The following COLEC11 variants were observed in gnomAD, a reference collection of about 807,000 sequenced individuals.
COLEC11 encodes the protein collectin-11.
Under a neutral mutation model 27.3 loss-of-function variants are expected in COLEC11, and 20 were observed. That is an observed-to-expected ratio of 0.73 (90% CI 0.51 to 1.06). The LOEUF is 1.06. Ranked by LOEUF, COLEC11 falls within the 50% of genes least tolerant of loss-of-function variation. The probability of loss-of-function intolerance (pLI) is 0.00; values close to 1 mark genes in which losing one functional copy is unlikely to be tolerated. For synonymous variants in COLEC11, 163 were observed against 154.7 expected (o/e 1.05, Z -0.40); for missense variants, 310 against 383.0 (o/e 0.81, Z 1.59).
intron 3 of COLEC11, among the ~76,000 whole-genome samples, chr2:3,620,467 A>ATT (rs533195108): frequency 6.9e-6 from 1 of 145,206 alleles, no homozygotes; most frequent in Non-Finnish European, 1.5e-5. Flanking sequence ...AGGTTCGTCA[A>ATT]TTTTTTTTTT....
At chr2:3,627,957 GCCCTGCTGTTGCCCAGCC>G (rs1664683222) in intron 3 of COLEC11, among the ~76,000 whole-genome samples, 1 of 152,178 alleles carries the variant, frequency 6.6e-6, no homozygotes, top group South Asian at 2.1e-4. Context: ...TCCCATGCCA[GCCCTGCTGTTGCCCAGCC>G]TGTGGCCACT....
intron 3 of COLEC11, chr2:3,617,867 T>C (rs1663892387): frequency 1.8e-6 from 1 of 568,116 alleles, no homozygotes; most frequent in Non-Finnish European, 3.2e-6. Context: ...CTCTTTTGAC[T>C]TTTTGATACC....
chr2:3,605,219 C>T, intron 2 of COLEC11: 2 of 418,976 alleles, frequency 4.8e-6, no homozygotes, highest in Admixed American at 5.7e-5. Context: ...AGAGTGTGTG[C>T]CAGTGTCGGG....
intron 3 of COLEC11, among the ~76,000 whole-genome samples, chr2:3,628,275 G>T (rs1397032648): frequency 6.6e-6 from 1 of 152,272 alleles, no homozygotes; most frequent in African/African-American, 2.4e-5. Context: ...GGGTTCTAGA[G>T]AGCTGGTCTG....
At chr2:3,611,982 T>A (rs980187934) in intron 2 of COLEC11, among the ~76,000 whole-genome samples, 1 of 148,400 alleles carries the variant, frequency 6.7e-6, no homozygotes, top group Non-Finnish European at 1.5e-5. Flanking sequence ...CTCTATATGC[T>A]CTCTCTATAT....
At chr2:3,635,361 T>C (rs1665326762) in intron 3 of COLEC11, among the ~76,000 whole-genome samples, 1 of 151,994 alleles carries the variant, frequency 6.6e-6, no homozygotes, top group Admixed American at 6.6e-5. Context: ...CCCAGCCTGC[T>C]CTGCCCTTGG....
chr2:3,596,113 T>G (rs1230397731), intron 1 of COLEC11, among the ~76,000 whole-genome samples: 1 of 152,138 alleles, frequency 6.6e-6, no homozygotes, highest in East Asian at 1.9e-4. Flanking sequence ...GTGGGTGGAA[T>G]CCAGGCTGCC....
intron 3 of COLEC11, among the ~76,000 whole-genome samples, chr2:3,615,427 C>T (rs1402701085): frequency 6.6e-6 from 1 of 152,198 alleles, no homozygotes; most frequent in Non-Finnish European, 1.5e-5. Context: ...GTGGACACAG[C>T]ACATGTTTCA....
At chr2:3,643,354 A>G in intron 5 of COLEC11, 90 bp from the exon 6 acceptor site, 2 of 1,098,090 alleles carry the variant, frequency 1.8e-6, no homozygotes, top group Non-Finnish European at 2.8e-6. Context: ...TTGTTGAGTA[A>G]AATGTGCATT....
rs1410949120 is a variant in COLEC11 at position 3,604,186 on chromosome 2, G to T, written c.-26-129G>T. ...GTGCTTGAGTGAGTGAGGAGCACCC[G>T]CCATGGGGGCCCAGACAGCCCTTCC... On this transcript the variant is annotated intron_variant, in intron 1 of 6. Coordinates refer to ENST00000349077, the MANE Select transcript of COLEC11 (RefSeq NM_024027.5). 6.1e-6 allele frequency: 6 copies of T among 982,992 alleles called. No homozygotes were observed. In the East Asian group the frequency reaches 9.6e-5, roughly 16 times the overall value. The allele number at this position is 982,992 out of a possible 1,614,324, so 60.9% of individuals were successfully genotyped here. A position where few individuals can be genotyped will look rare whatever the true frequency, so the allele number is the denominator to read the frequency against.
intron 3 of COLEC11, among the ~76,000 whole-genome samples, chr2:3,620,253 A>C (rs1315349638): frequency 6.6e-6 from 1 of 151,882 alleles, no homozygotes; most frequent in African/African-American, 2.4e-5. Context: ...ATCTGTTCAA[A>C]TTTAGTATTT....
chr2:3,620,951 G>A lies in COLEC11; in HGVS notation c.202+7569G>A, dbSNP rs115808863. ...GTTAAGACTTGTTTTGTGGCCTAAC[G>A]TATGAGCTATCTCAAAGAATGTTCC... On this transcript the variant is annotated intron_variant, in intron 3 of 6. Transcript: ENST00000349077. 6.4e-3 allele frequency among the ~76,000 whole-genome samples: 971 copies of A among 152,328 alleles called. 6 individuals are homozygous for A. Among genetic ancestry groups the A allele is most frequent in the African/African-American group, 0.022 (923 of 41,576 alleles).
chr2:3,621,498 C>T (rs4850074), intron 3 of COLEC11, among the ~76,000 whole-genome samples: 86,223 of 152,002 alleles, frequency 0.57, 27,323 homozygotes, highest in South Asian at 0.75. Context: ...TAAGCTACTC[C>T]GTGTCTTTTG....
chr2:3,616,858 A>C (rs1417453903), intron 3 of COLEC11, among the ~76,000 whole-genome samples: 1 of 152,180 alleles, frequency 6.6e-6, no homozygotes, highest in Non-Finnish European at 1.5e-5. Flanking sequence ...TATTTCACTT[A>C]GCGTAATGCC....
At chr2:3,643,395 G>A (rs1327503549) in intron 5 of COLEC11, 49 bp from the exon 6 acceptor site, 4 of 1,479,618 alleles carry the variant, frequency 2.7e-6, no homozygotes, top group Non-Finnish European at 2.8e-6. Flanking sequence ...TCTCTTCTGA[G>A]TCCGAGTCCT....
At chr2:3,611,520 T>G (rs1382510714) in intron 2 of COLEC11, among the ~76,000 whole-genome samples, 1 of 152,236 alleles carries the variant, frequency 6.6e-6, no homozygotes, top group Non-Finnish European at 1.5e-5. Flanking sequence ...AATGCTGAGT[T>G]TATCTTGTTA....
At chr2:3,616,751 A>G (rs1336601104) in intron 3 of COLEC11, among the ~76,000 whole-genome samples, 1 of 150,222 alleles carries the variant, frequency 6.7e-6, no homozygotes, top group East Asian at 1.9e-4. Flanking sequence ...GAGATCGTGG[A>G]AAGAGAGGGA....
At chr2:3,630,013 A>G (rs912002696) in intron 3 of COLEC11, among the ~76,000 whole-genome samples, 1 of 152,142 alleles carries the variant, frequency 6.6e-6, no homozygotes, top group Non-Finnish European at 1.5e-5. Context: ...TGCATCATGC[A>G]TATGTGTATG....
chr2:3,595,207 C>T (rs1308096963), intron 1 of COLEC11, 39 bp downstream of exon 1: 2 of 309,274 alleles, frequency 6.5e-6, no homozygotes, highest in East Asian at 1.0e-4. Flanking sequence ...GAGGGTTTCA[C>T]GGGGCTATGA....
Sources: gnomAD v4.1 joint callset for allele counts (sites outside exome capture counted in the v4.1 genomes callset) on GRCh38, gnomAD v4.1.1 for gene constraint, MANE v1.5 for transcripts, NCBI Gene and HGNC (gene_info 2026-07-23, HGNC 2026-07-21) for gene names.